CORO2B: variants seen among roughly 807,000 people sequenced by gnomAD.
CORO2B encodes the protein coronin-2B.
Under a neutral mutation model 58.8 loss-of-function variants are expected in CORO2B, and 26 were observed. That is an observed-to-expected ratio of 0.44 (90% CI 0.32 to 0.61). CORO2B has a LOEUF of 0.61. Among genes scored for constraint, CORO2B ranks in the 20% least tolerant of loss-of-function variants. The pLI, the probability that CORO2B is intolerant of heterozygous loss-of-function variation, is 0.04. For missense variants in CORO2B, 460 were observed against 645.1 expected, an observed-to-expected ratio of 0.71 and a Z score of 3.11; for synonymous variants, 242 against 253.8, an observed-to-expected ratio of 0.95 and a Z score of 0.44.
intron 8 of CORO2B, among the ~76,000 whole-genome samples, chr15:68,716,178 C>T (rs571601788): frequency 1.3e-5 from 2 of 152,368 alleles, no homozygotes; most frequent in East Asian, 3.9e-4. Context: ...TCTTCCCCAA[C>T]TCTGTCATCC....
chr15:68,643,803 C>T (rs1218594026), intron 1 of CORO2B, among the ~76,000 whole-genome samples: 3 of 152,078 alleles, frequency 2.0e-5, no homozygotes, highest in African/African-American at 4.8e-5. Context: ...TTTGGGAGGC[C>T]GAGTCAGATG....
chr15:68,587,269 T>C (rs1446159351), intron 1 of CORO2B, among the ~76,000 whole-genome samples: 1 of 152,022 alleles, frequency 6.6e-6, no homozygotes, highest in East Asian at 1.9e-4. Context: ...TCAGAGAAGG[T>C]GGATGTTTTA....
At chr15:68,619,908 T>C (rs552049650) in intron 1 of CORO2B, among the ~76,000 whole-genome samples, 24 of 152,046 alleles carry the variant, frequency 1.6e-4, no homozygotes, top group African/African-American at 5.8e-4. Flanking sequence ...AGTGGAGTCA[T>C]GTTTTTTTTA....
chr15:68,549,215 TTC>T, the CORO2B span, among the ~76,000 whole-genome samples: 27 of 152,330 alleles, frequency 1.8e-4, no homozygotes, highest in African/African-American at 6.3e-4. Flanking sequence ...CCTCTGGTCT[TTC>T]TGTTTTAACG....
At chr15:68,637,467 C>T (rs1444927885) in intron 1 of CORO2B, among the ~76,000 whole-genome samples, 2 of 152,186 alleles carry the variant, frequency 1.3e-5, no homozygotes, top group African/African-American at 4.8e-5. Context: ...GGTGTCTTTC[C>T]TTCATGACAG....
At chr15:68,521,334 G>A in the CORO2B span, among the ~76,000 whole-genome samples, 21 of 152,152 alleles carry the variant, frequency 1.4e-4, no homozygotes, top group Non-Finnish European at 2.4e-4. Flanking sequence ...CTAATATAAA[G>A]TAGTACTTTT....
intron 1 of CORO2B, chr15:68,641,645 T>C: frequency 1.0e-6 from 1 of 961,598 alleles, no homozygotes; most frequent in Non-Finnish European, 1.2e-6. Context: ...CAGCATGTCC[T>C]GTGCTGGGCA....
At chr15:68,709,979 T>C (rs1482608890) in intron 3 of CORO2B, among the ~76,000 whole-genome samples, 2 of 152,170 alleles carry the variant, frequency 1.3e-5, no homozygotes, top group African/African-American at 4.8e-5. Context: ...ATGTAAATAA[T>C]TAAGGGGGTG....
the CORO2B span, chr15:68,559,738 G>A: frequency 5.0e-6 from 3 of 602,088 alleles, no homozygotes; most frequent in Non-Finnish European, 6.3e-6. This position sits in a 1 kb window ranked among gnomAD's most constrained non-coding sequence, Gnocchi z 4.3. Flanking sequence ...AGGCTGCGGC[G>A]CCCGAGACCG....
At chr15:68,604,154 C>T (rs1395093167) in intron 1 of CORO2B, among the ~76,000 whole-genome samples, 2 of 152,192 alleles carry the variant, frequency 1.3e-5, no homozygotes, top group South Asian at 2.1e-4. Context: ...AGCCGCCCCT[C>T]GTCGTTCTTA....
chr15:68,524,518 C>CT, the CORO2B span, among the ~76,000 whole-genome samples: 1 of 152,062 alleles, frequency 6.6e-6, no homozygotes, highest in Non-Finnish European at 1.5e-5. Context: ...TTGCATGTAC[C>CT]TTTTTAAAAG....
intron 1 of CORO2B, among the ~76,000 whole-genome samples, chr15:68,627,201 TA>T (rs1469113115): frequency 7.2e-5 from 11 of 152,398 alleles, no homozygotes; most frequent in South Asian, 4.1e-4. Flanking sequence ...TTATTTGTTT[TA>T]CTTTATGTCT....
At chr15:68,678,657 G>C (rs537782295) in intron 2 of CORO2B, among the ~76,000 whole-genome samples, 1 of 152,300 alleles carries the variant, frequency 6.6e-6, no homozygotes, top group Admixed American at 6.5e-5. Context: ...CTGGGCAAAA[G>C]AGCGAGACTC....
intron 1 of CORO2B, among the ~76,000 whole-genome samples, chr15:68,589,551 G>A (rs1310896846): frequency 6.6e-6 from 1 of 152,206 alleles, no homozygotes; most frequent in Admixed American, 6.5e-5. Flanking sequence ...GAAAACTAAA[G>A]CCCTAGAAAG....
intron 2 of CORO2B, among the ~76,000 whole-genome samples, chr15:68,670,084 AG>A (rs1037922317): frequency 6.6e-6 from 1 of 152,002 alleles, no homozygotes; most frequent in African/African-American, 2.4e-5. Flanking sequence ...GGAAAAATAA[AG>A]AAAAATTTAA....
rs540548219 is a variant in CORO2B, at chr15:68,594,559, C to G, written c.15+15282C>G. Reference sequence around the variant, plus strand: ...GGAGCCCCGATTTCTGAATAACCAGCAGCAGATCTAAAGCAGTTCTGTTTG... The same window carrying G: ...GGAGCCCCGATTTCTGAATAACCAGGAGCAGATCTAAAGCAGTTCTGTTTG... On this transcript the variant is annotated intron_variant, in intron 1 of 11. Coordinates refer to ENST00000261861, the MANE Select transcript of CORO2B (RefSeq NM_006091.5). Among the ~76,000 whole-genome samples, 50 of 152,352 alleles carry G rather than the reference C, an allele frequency of 3.3e-4. No homozygotes were observed. The South Asian group carries it at 9.9e-3, about 30-fold the overall frequency.
intron 1 of CORO2B, among the ~76,000 whole-genome samples, chr15:68,607,688 C>T (rs1425902107): frequency 2.0e-5 from 3 of 151,872 alleles, no homozygotes; most frequent in African/African-American, 7.3e-5. Context: ...TGCAGTGATG[C>T]GTGCTTGTGG....
At chr15:68,633,493 G>C (rs1423273829) in intron 1 of CORO2B, among the ~76,000 whole-genome samples, 1 of 143,634 alleles carries the variant, frequency 7.0e-6, no homozygotes, top group East Asian at 2.0e-4. Flanking sequence ...CAAAGTCCAA[G>C]AGGAAATGGT....
Position 68,708,357 on chromosome 15 carries a change from C to CTTTTTTTTTT in CORO2B, c.334-2363_334-2354dup, listed in dbSNP as rs921103212. On this transcript the variant is annotated intron_variant, in intron 3 of 11. Transcript: ENST00000261861. ...CTGCCTTTGGCTTTCTTTTTTTCTT[C>CTTTTTTTTTT]TTTTTTTTTTTTTTTTTTTTTGAGA... Among the ~76,000 whole-genome samples the CTTTTTTTTTT allele has an allele frequency of 2.0e-4, 23 of 114,966 alleles. 1 individual carries two copies. The highest frequency in any genetic ancestry group is 5.0e-4 in the African/African-American group (16 of 32,308). 75.4% of individuals were successfully genotyped at this position (114,966 alleles called of 152,430 possible).
Sources: allele counts gnomAD v4.1 joint callset (sites outside exome capture counted in the v4.1 genomes callset), GRCh38; gene constraint gnomAD v4.1.1; non-coding constraint Gnocchi (gnomAD v3.1); transcripts MANE v1.5; gene names NCBI Gene and HGNC (gene_info 2026-07-23, HGNC 2026-07-21).